Variants in RBM14 observed in about 807,000 individuals in gnomAD.
The protein encoded by RBM14 is RNA binding motif protein 14, also known as RNA-binding protein 14.
RBM14 carries 5 observed loss-of-function variants against 52.8 expected under a neutral mutation model. The observed-to-expected ratio is 0.09, with a 90% CI of 0.05 to 0.20. RBM14 has a LOEUF of 0.20. RBM14 is among the 10% of genes least tolerant of loss of function. The pLI is 1.00. For missense variants in RBM14, 780 were observed against 926.6 expected, an observed-to-expected ratio of 0.84 and a Z score of 2.05; for synonymous variants, 411 against 401.8, an observed-to-expected ratio of 1.02 and a Z score of -0.28.
At chr11:66,620,166 C>T (rs1447080303) in intron 1 of RBM14, among the ~76,000 whole-genome samples, 1 of 152,200 alleles carries the variant, frequency 6.6e-6, no homozygotes, top group Non-Finnish European at 1.5e-5. Context: ...CTTATCACTA[C>T]AGGATGCAGT....
chr11:66,621,556 T>TATTAAATAA (rs1859113947), intron 1 of RBM14, among the ~76,000 whole-genome samples: 1 of 152,118 alleles, frequency 6.6e-6, no homozygotes, highest in Non-Finnish European at 1.5e-5. Flanking sequence ...TTAATATTTT[T>TATTAAATAA]AGTAAAGACG....
rs145227455 is a variant in RBM14, at chr11:66,629,652, T to C, written c.*2984T>C. Among the ~76,000 whole-genome samples the C allele has an allele frequency of 4.8e-3, 727 of 152,308 alleles. 5 individuals carry two copies. Among genetic ancestry groups the C allele is most frequent in the African/African-American group, 0.017 (691 of 41,570 alleles). On this transcript the variant is annotated 3_prime_UTR_variant, in exon 3 of 3. Transcript: ENST00000310137. ...GACCTAGTATATACTATGTAACAGA[T>C]GGAAAACTGAATTTTACAATCTATA...
In RBM14 at chr11:66,625,355, G is replaced by T; in HGVS notation, c.1479G>T (p.Ala493=). 1 of 1,606,432 alleles carries T rather than the reference G, an allele frequency of 6.2e-7. No homozygotes were observed. ...CCTATGGGGCTCAGTCGGCTGCTGC[G>T]GCCACTGGCTCCTATGGTGCCGCAG... ...SGSYGAQSAA[A]ATGSYGAAAA... is the part of the protein sequence containing the mutation. Residue 493 remains alanine, a synonymous_variant, in exon 2 of 3, where the codon GCG becomes GCT. Coordinates refer to ENST00000310137, the MANE Select transcript of RBM14 (RefSeq NM_006328.4). The surrounding 1 kb of genome is among the most constrained non-coding windows in gnomAD (Gnocchi z 4.2).
chr11:66,616,689 G>T lies in RBM14; in HGVS notation c.-32G>T. On this transcript the variant is annotated 5_prime_UTR_variant, in exon 1 of 3. Coordinates refer to ENST00000310137, the MANE Select transcript of RBM14 (RefSeq NM_006328.4). ...TTGCCTGTCGCTGGAGGAGAGGTCC[G>T]GGCTCTCCAGGAAGGTGGCTGCGGC... 2 of 1,562,262 alleles carry T rather than the reference G, an allele frequency of 1.3e-6. No homozygotes were observed. Among genetic ancestry groups the T allele is most frequent in the Non-Finnish European group, 1.7e-6 (2 of 1,148,292 alleles).
intron 1 of RBM14, chr11:66,621,061 A>C (rs1385982274): frequency 6.6e-6 from 1 of 152,020 alleles, no homozygotes; most frequent in African/African-American, 2.4e-5. Context: ...GCCAGAGTGC[A>C]GTGGCGTGAT....
At position 66,628,477 on chromosome 11, in the gene RBM14, A is replaced by G. The variant is rs1937916460; in HGVS notation, c.*1809A>G. Among the ~76,000 whole-genome samples, 1 of 150,778 alleles carries G rather than the reference A, an allele frequency of 6.6e-6. No individual in the cohort carries two copies. Among genetic ancestry groups the G allele is most frequent in the Admixed American group, 6.7e-5 (1 of 14,822 alleles). ...TTCCCTCTTGCCATCGTGCAAAAGC[A>G]TTCGATCTTATGACCGTGAGTTCTT... On this transcript the variant is annotated 3_prime_UTR_variant, in exon 3 of 3. Transcript: ENST00000310137.
At chr11:66,617,437 C>T (rs1272732216) in intron 1 of RBM14, 8 of 1,050,358 alleles carry the variant, frequency 7.6e-6, no homozygotes, top group Non-Finnish European at 5.7e-6. Context: ...GATTTCTCCA[C>T]TTCCCCACTT....
intron 1 of RBM14, chr11:66,619,409 T>A (rs1858992621): frequency 6.6e-6 from 1 of 152,144 alleles, no homozygotes; most frequent in African/African-American, 2.4e-5. Context: ...AGCTTCCTCC[T>A]ATTGGGTGTT....
chr11:66,618,259 C>T (rs1858937227), intron 1 of RBM14, among the ~76,000 whole-genome samples: 2 of 152,096 alleles, frequency 1.3e-5, no homozygotes, highest in African/African-American at 2.4e-5. Flanking sequence ...ATGCCCTACT[C>T]CTGGTGGGTT....
At chr11:66,621,913 GT>G (rs1859130133) in intron 1 of RBM14, among the ~76,000 whole-genome samples, 1 of 152,068 alleles carries the variant, frequency 6.6e-6, no homozygotes, top group Admixed American at 6.6e-5. Flanking sequence ...TACATGGTAA[GT>G]TTCTTTTTAT....
chr11:66,616,924 G>A lies in RBM14; in HGVS notation c.204G>A (p.Val68=). The change falls in exon 1 of 3, where the codon GTG becomes GTA. Residue 68 remains valine (V), a synonymous_variant. Coordinates refer to ENST00000310137, the MANE Select transcript of RBM14 (RefSeq NM_006328.4). ...TGCGGCCGGGGCGCGCGCTCGTGGTGGAGATGTCGCGCCCAAGGCCTCTTA... is the reference window on the plus strand; with the variant it reads ...TGCGGCCGGGGCGCGCGCTCGTGGTAGAGATGTCGCGCCCAAGGCCTCTTA... ...HELRPGRALV[V]EMSRPRPLNT... The A allele has an allele frequency of 6.2e-7, 1 of 1,612,090 alleles. No homozygotes were observed. The highest frequency in any genetic ancestry group is 8.5e-7 in the Non-Finnish European group (1 of 1,179,416).
chr11:66,619,004 A>C (rs769848863), intron 1 of RBM14: 4 of 163,218 alleles, frequency 2.5e-5, no homozygotes, highest in Non-Finnish European at 4.0e-5. Flanking sequence ...AGTGGTGGTC[A>C]ACTATTTGCA....
chr11:66,625,098 G>A lies in RBM14; in HGVS notation c.1222G>A (p.Ala408Thr), dbSNP rs751927749. Residue 408 changes from alanine to threonine, a missense_variant, in exon 2 of 3, where the codon GCC (alanine) becomes ACC (threonine). By Grantham distance (58) the Ala-to-Thr change is moderately conservative. Coordinates refer to ENST00000310137, the MANE Select transcript of RBM14 (RefSeq NM_006328.4). The surrounding 1 kb of genome is among the most constrained non-coding windows in gnomAD (Gnocchi z 4.2). ...QAASYNAQPS[A>T]SYNAQSAPYA... Reference sequence around the variant, plus strand: ...AGCTTCATATAATGCCCAGCCCTCGGCCTCTTACAATGCCCAGTCTGCCCC... The same window carrying A: ...AGCTTCATATAATGCCCAGCCCTCGACCTCTTACAATGCCCAGTCTGCCCC... 6 of 1,613,302 alleles carry A rather than the reference G, an allele frequency of 3.7e-6. No homozygotes were observed. Among genetic ancestry groups the A allele is most frequent in the Non-Finnish European group, 5.1e-6 (6 of 1,179,954 alleles).
rs561763639 is a variant in RBM14 at position 66,626,855 on chromosome 11, G to A, written c.*187G>A. 8.1e-5 allele frequency: 48 copies of A among 589,794 alleles called. No individual in the cohort carries two copies. The Admixed American group carries it at 1.0e-3, about 12-fold the overall frequency. The allele number at this position is 589,794 out of a possible 1,614,324, so 36.5% of individuals were successfully genotyped here. On this transcript the variant is annotated 3_prime_UTR_variant, in exon 3 of 3. Coordinates refer to ENST00000310137, the MANE Select transcript of RBM14 (RefSeq NM_006328.4). The stretch of plus-strand genomic sequence containing the variant: ...CGGCAGTAACCTACTTTGTTCCTTC[G>A]CCTCAGCAGCAAATCTTGCTACTGG...
At position 66,625,393 on chromosome 11, in the gene RBM14, C is replaced by T; in HGVS notation, c.1517C>T (p.Ala506Val). The T allele has an allele frequency of 6.2e-7, 1 of 1,613,410 alleles. No individual in the cohort carries two copies. Among genetic ancestry groups the T allele is most frequent in the African/African-American group, 1.3e-5 (1 of 75,030 alleles). The change falls in exon 2 of 3, where the codon GCC (alanine) becomes GTC (valine). Residue 506 changes from alanine (A) to valine (V), a missense_variant. Physicochemically the swap from Ala to Val is moderately conservative, Grantham distance 64. This residue lies in a region of RBM14 where 675 missense variants were observed against 697.3 expected (regional missense o/e 0.97). Transcript: ENST00000310137. This position sits in a 1 kb window ranked among gnomAD's most constrained non-coding sequence, Gnocchi z 4.2. ...TATGGTGCCGCAGCAGCCTACGGGG[C>T]CCAACCTTCTGCCACCCTGGCAGCT... ...GSYGAAAAYG[A>V]QPSATLAAPY...
chr11:66,621,523 A>T (rs957611825), intron 1 of RBM14, among the ~76,000 whole-genome samples: 1 of 151,962 alleles, frequency 6.6e-6, no homozygotes, highest in African/African-American at 2.4e-5. Context: ...GATTACAGGC[A>T]CATGCCACCA....
Position 66,629,092 on chromosome 11 carries a change from C to G in RBM14, c.*2424C>G, listed in dbSNP as rs1244581967. 3.9e-5 allele frequency among the ~76,000 whole-genome samples: 6 copies of G among 152,188 alleles called. No homozygotes were observed. Among genetic ancestry groups the G allele is most frequent in the Non-Finnish European group, 7.3e-5 (5 of 68,038 alleles). On this transcript the variant is annotated 3_prime_UTR_variant, in exon 3 of 3. Transcript: ENST00000310137. ...GGCAGATTGTTTTAAAATCTCCCTC[C>G]CCTCTTTTATTTTAATTATGCCACC...
In RBM14 at chr11:66,624,698, C is replaced by T. The variant is rs558753451; in HGVS notation, c.822C>T (p.Arg274=). 79 of 1,613,404 alleles carry T rather than the reference C, an allele frequency of 4.9e-5. No homozygotes were observed. Among genetic ancestry groups the T allele is most frequent in the South Asian group, 2.2e-4 (20 of 91,066 alleles). The change falls in exon 2 of 3, where the codon CGC becomes CGT. Residue 274 remains arginine, a synonymous_variant. Transcript: ENST00000310137. This position sits in a 1 kb window ranked among gnomAD's most constrained non-coding sequence, Gnocchi z 4.7. ...TGACAGCCCAGGCAGCCTCTTACCG[C>T]GCTCAGCCCTCTGTCTCCCTTGGGG... ...QPMTAQAASY[R]AQPSVSLGAP... is the part of the protein sequence containing the mutation.
In RBM14 at chr11:66,616,714, C is replaced by A; in HGVS notation, c.-7C>A. ...GGGCTCTCCAGGAAGGTGGCTGCGG[C>A]GACAAAATGAAGATATTCGTGGGCA... On this transcript the variant is annotated 5_prime_UTR_variant, in exon 1 of 3. Transcript: ENST00000310137. The A allele has an allele frequency of 6.3e-7, 1 of 1,586,360 alleles. No homozygotes were observed. The highest frequency in any genetic ancestry group is 8.6e-7 in the Non-Finnish European group (1 of 1,160,774).
Sources: allele counts gnomAD v4.1 joint callset (sites outside exome capture counted in the v4.1 genomes callset), GRCh38; gene constraint gnomAD v4.1.1; regional missense constraint gnomAD v4.1.1; non-coding constraint Gnocchi (gnomAD v3.1); transcripts MANE v1.5; gene names NCBI Gene and HGNC (gene_info 2026-07-23, HGNC 2026-07-21).